CCSER1: variants seen among roughly 807,000 people sequenced by gnomAD.
CCSER1 encodes the protein coiled-coil serine rich protein 1, also known as serine-rich coiled-coil domain-containing protein 1.
CCSER1 carries 41 observed loss-of-function variants against 82.0 expected under a neutral mutation model. That is an observed-to-expected ratio of 0.50 (90% CI 0.39 to 0.65). CCSER1 has a LOEUF of 0.65. Ranked by LOEUF, CCSER1 falls within the 30% of genes least tolerant of loss-of-function variation. The pLI, the probability that CCSER1 is intolerant of heterozygous loss-of-function variation, is 0.00. For missense variants in CCSER1, 1,119 were observed against 1,064.2 expected (o/e 1.05, Z -0.72); for synonymous variants, 414 against 383.9 (o/e 1.08, Z -0.92).
chr4:90,386,265 A>G (rs1223440339), intron 3 of CCSER1, among the ~76,000 whole-genome samples: 5 of 152,218 alleles, frequency 3.3e-5, no homozygotes, highest in Non-Finnish European at 7.3e-5. Flanking sequence ...TTACAAGGCT[A>G]TAGTAGCCCA....
chr4:91,317,900 G>T (rs1476660236), intron 10 of CCSER1, among the ~76,000 whole-genome samples: 1 of 151,842 alleles, frequency 6.6e-6, no homozygotes, highest in Non-Finnish European at 1.5e-5. Flanking sequence ...TGAAACCCTG[G>T]GTGAGAGCAT....
chr4:91,043,920 G>C (rs1254710784), intron 9 of CCSER1, among the ~76,000 whole-genome samples: 1 of 152,120 alleles, frequency 6.6e-6, no homozygotes, highest in Non-Finnish European at 1.5e-5. Context: ...GATTCAAGAA[G>C]ACAGTGGACA....
intron 1 of CCSER1, among the ~76,000 whole-genome samples, chr4:90,145,170 A>G (rs1182464071): frequency 6.6e-6 from 1 of 152,134 alleles, no homozygotes; most frequent in Non-Finnish European, 1.5e-5. Flanking sequence ...TACCTTTAAA[A>G]TATTCTAATC....
chr4:91,145,364 G>A (rs909968472), intron 10 of CCSER1, among the ~76,000 whole-genome samples: 2 of 152,108 alleles, frequency 1.3e-5, no homozygotes, highest in Non-Finnish European at 2.9e-5. Flanking sequence ...CATGTGAGAT[G>A]TTCTCTTGAA....
intron 6 of CCSER1, among the ~76,000 whole-genome samples, chr4:90,696,321 T>C (rs942400172): frequency 2.6e-5 from 4 of 152,158 alleles, no homozygotes; most frequent in African/African-American, 9.7e-5. Context: ...TTGTCATATA[T>C]GTATCAGTTT....
At chr4:90,787,115 C>G (rs1007606894) in intron 7 of CCSER1, among the ~76,000 whole-genome samples, 1 of 152,196 alleles carries the variant, frequency 6.6e-6, no homozygotes, top group African/African-American at 2.4e-5. Flanking sequence ...GAACTCTACA[C>G]CTTCATTCAG....
intron 1 of CCSER1, among the ~76,000 whole-genome samples, chr4:90,140,036 A>C (rs1168527671): frequency 6.6e-6 from 1 of 152,218 alleles, no homozygotes. Flanking sequence ...TCTTGAATAA[A>C]CTGATTATTT....
intron 10 of CCSER1, among the ~76,000 whole-genome samples, chr4:91,094,676 A>G (rs932990516): frequency 1.3e-5 from 2 of 152,126 alleles, no homozygotes; most frequent in Non-Finnish European, 2.9e-5. Context: ...CTTAACTTGT[A>G]TGAGTACTGG....
chr4:90,560,775 T>C (rs2153647107), intron 5 of CCSER1, among the ~76,000 whole-genome samples: 1 of 152,314 alleles, frequency 6.6e-6, no homozygotes, highest in Admixed American at 6.5e-5. Flanking sequence ...TTTTTCAAAA[T>C]ACCTGATACT....
intron 7 of CCSER1, among the ~76,000 whole-genome samples, chr4:90,755,008 C>G (rs1204901647): frequency 6.6e-6 from 1 of 152,050 alleles, no homozygotes. Context: ...GCCATCACAT[C>G]AGTGTTCCAG....
At chr4:91,340,076 C>T (rs1020525014) in intron 10 of CCSER1, among the ~76,000 whole-genome samples, 1 of 152,050 alleles carries the variant, frequency 6.6e-6, no homozygotes, top group Non-Finnish European at 1.5e-5. Flanking sequence ...ATGATCACAC[C>T]ACTGTACTCC....
intron 3 of CCSER1, among the ~76,000 whole-genome samples, chr4:90,398,928 A>G (rs753452935): frequency 6.6e-6 from 1 of 152,158 alleles, no homozygotes; most frequent in African/African-American, 2.4e-5. Context: ...CCCAAGGACT[A>G]AAGTGTTCAC....
At chr4:90,619,079 A>G (rs2043298698) in intron 5 of CCSER1, among the ~76,000 whole-genome samples, 1 of 152,032 alleles carries the variant, frequency 6.6e-6, no homozygotes, top group East Asian at 1.9e-4. Flanking sequence ...TTAATATAGT[A>G]AAAATTATTT....
At chr4:91,557,920 A>G in intron 10 of CCSER1, among the ~76,000 whole-genome samples, 1 of 151,468 alleles carries the variant, frequency 6.6e-6, no homozygotes, top group African/African-American at 2.4e-5. Flanking sequence ...TTACATATTT[A>G]TTTATACTAA....
chr4:91,505,282 T>TATG (rs1386666240), intron 10 of CCSER1, among the ~76,000 whole-genome samples: 1 of 152,250 alleles, frequency 6.6e-6, no homozygotes, highest in Non-Finnish European at 1.5e-5. Context: ...CATTGCTTTT[T>TATG]ATGGCTGCAT....
intron 10 of CCSER1, among the ~76,000 whole-genome samples, chr4:91,165,166 AG>A (rs1560483306): frequency 6.6e-6 from 1 of 152,060 alleles, no homozygotes; most frequent in Non-Finnish European, 1.5e-5. Flanking sequence ...TCTGTTTGTT[AG>A]TTTTCCTTCT....
chr4:90,291,183 T>A (rs1226506491), intron 1 of CCSER1, among the ~76,000 whole-genome samples: 2 of 152,058 alleles, frequency 1.3e-5, no homozygotes, highest in Non-Finnish European at 2.9e-5. Flanking sequence ...CTGCTTTTAT[T>A]TGATTGGATT....
At chr4:90,604,245 G>A (rs2148772901) in intron 5 of CCSER1, among the ~76,000 whole-genome samples, 1 of 152,222 alleles carries the variant, frequency 6.6e-6, no homozygotes, top group East Asian at 1.9e-4. Context: ...ATATCTCACA[G>A]AAATCTTCCC....
At chr4:90,902,001 T>C (rs2150153069) in intron 8 of CCSER1, among the ~76,000 whole-genome samples, 1 of 152,080 alleles carries the variant, frequency 6.6e-6, no homozygotes, top group East Asian at 1.9e-4. Context: ...CTTTTGGCTT[T>C]ATTTTTGTCT....
Sources: allele counts gnomAD v4.1 joint callset (sites outside exome capture counted in the v4.1 genomes callset), GRCh38; gene constraint gnomAD v4.1.1; transcripts MANE v1.5; gene names NCBI Gene and HGNC (gene_info 2026-07-23, HGNC 2026-07-21).